COL4A6: variants seen among roughly 807,000 people sequenced by gnomAD.
The protein encoded by COL4A6 is collagen alpha-6(IV) chain.
Under a neutral mutation model 126.7 loss-of-function variants are expected in COL4A6, and 59 were observed. That is an observed-to-expected ratio of 0.47 (90% CI 0.38 to 0.58). COL4A6 has a LOEUF of 0.58. Ranked by LOEUF, COL4A6 falls within the 20% of genes least tolerant of loss-of-function variation. COL4A6 has a pLI of 0.00. For missense variants in COL4A6, 1,285 were observed against 1,337.3 expected, an observed-to-expected ratio of 0.96 and a Z score of 0.61; for synonymous variants, 547 against 496.6, an observed-to-expected ratio of 1.10 and a Z score of -1.35.
At chrX:108,229,258 T>C (rs1485837105) in intron 3 of COL4A6, among the ~76,000 whole-genome samples, 1 of 111,949 alleles carries the variant, frequency 8.9e-6, no homozygotes, top group Non-Finnish European at 1.9e-5. Flanking sequence ...GGTTCAGAGT[T>C]CAGAAGTCTA....
chrX:108,351,597 A>G (rs1006140085), intron 2 of COL4A6, among the ~76,000 whole-genome samples: 8 of 109,914 alleles, frequency 7.3e-5, no homozygotes, highest in Admixed American at 2.0e-4. Flanking sequence ...ACTTGGCTGC[A>G]TGGCTTCTGT....
At chrX:108,171,259 T>A in intron 33 of COL4A6, 128 bp downstream of exon 33, 2 of 540,961 alleles carry the variant, frequency 3.7e-6, no homozygotes, top group Non-Finnish European at 6.2e-6. Flanking sequence ...GCTTGGGGAA[T>A]TGATAGATAG....
At chrX:108,358,356 A>G (rs1397521902) in intron 2 of COL4A6, among the ~76,000 whole-genome samples, 2 of 110,554 alleles carry the variant, frequency 1.8e-5, no homozygotes, top group Non-Finnish European at 3.8e-5. Flanking sequence ...TGCTTTAGCT[A>G]TAACGTCTAA....
chrX:108,316,780 C>A (rs1398632042), intron 2 of COL4A6, among the ~76,000 whole-genome samples: 2 of 112,257 alleles, frequency 1.8e-5, no homozygotes, highest in South Asian at 3.7e-4. Flanking sequence ...AAGGGAACAG[C>A]AAGTGCAAAG....
chrX:108,289,444 G>A (rs1423136260), intron 3 of COL4A6, among the ~76,000 whole-genome samples: 1 of 111,176 alleles, frequency 9.0e-6, no homozygotes, highest in Non-Finnish European at 1.9e-5. Flanking sequence ...AAGGTATATG[G>A]GTGTTCTTTG....
intron 20 of COL4A6, among the ~76,000 whole-genome samples, 167 bp from the exon 21 acceptor site, chrX:108,188,844 T>C (rs1211093095): frequency 1.8e-5 from 2 of 112,157 alleles, no homozygotes; most frequent in East Asian, 5.6e-4. Flanking sequence ...AGTATGTCTG[T>C]GTTAGTGGTT....
Position 108,246,212 on chromosome X carries a change from T to C in COL4A6, c.145-24838A>G, listed in dbSNP as rs190722036. On this transcript the variant is annotated intron_variant, in intron 3 of 44. Transcript: ENST00000334504. Reference sequence around the variant, plus strand: ...GCAGATAACCTGTCTGTGTCTGTTTTATTATCTTCAATATGCGATTAACAA... The same window carrying C: ...GCAGATAACCTGTCTGTGTCTGTTTCATTATCTTCAATATGCGATTAACAA... Among the ~76,000 whole-genome samples the C allele has an allele frequency of 2.0e-3, 220 of 112,202 alleles. 1 individual carries two copies. The highest frequency in any genetic ancestry group is 8.7e-3 in the Admixed American group (92 of 10,579).
At position 108,282,641 on chromosome X, in the gene COL4A6, T is replaced by C. The variant is rs1392750216; in HGVS notation, c.144+28107A>G. ...ATACCATTTGACCCAGCCATCCCAT[T>C]ACTGGGTATATACCCAAAGGACTAT... On this transcript the variant is annotated intron_variant, in intron 3 of 44. Coordinates refer to ENST00000334504, the MANE Select transcript of COL4A6 (RefSeq NM_033641.4). Among the ~76,000 whole-genome samples, 17 of 109,609 alleles carry C rather than the reference T, an allele frequency of 1.6e-4. 1 individual carries two copies. The highest frequency in any genetic ancestry group is 1.3e-3 in the Admixed American group (13 of 10,317).
At chrX:108,203,831 T>G (rs1334816019) in intron 12 of COL4A6, among the ~76,000 whole-genome samples, 1 of 112,222 alleles carries the variant, frequency 8.9e-6, no homozygotes, top group African/African-American at 3.2e-5. Context: ...TTAGGGCATC[T>G]CTTGTCACCA....
intron 2 of COL4A6, among the ~76,000 whole-genome samples, chrX:108,413,991 G>T (rs947452276): frequency 1.8e-5 from 2 of 112,222 alleles, no homozygotes; most frequent in African/African-American, 6.5e-5. Context: ...CCACTGCACA[G>T]AGCAAAGCGA....
At chrX:108,438,629 T>C (rs770790078), upstream of COL4A6, among the ~76,000 whole-genome samples, 12 of 112,655 alleles carry the variant, frequency 1.1e-4, no homozygotes, top group Non-Finnish European at 1.9e-4. Flanking sequence ...TCATATACTT[T>C]CAACTTTACT....
intron 3 of COL4A6, among the ~76,000 whole-genome samples, chrX:108,290,537 T>C (rs771431041): frequency 1.8e-5 from 2 of 112,508 alleles, no homozygotes; most frequent in Non-Finnish European, 3.8e-5. Context: ...GCAAACATTG[T>C]ACTAATTTGC....
At chrX:108,426,343 G>T (rs949203476) in intron 2 of COL4A6, among the ~76,000 whole-genome samples, 2 of 111,908 alleles carry the variant, frequency 1.8e-5, no homozygotes, top group African/African-American at 6.5e-5. Context: ...GTCTCTCTGA[G>T]GTAAATGTTG....
At chrX:108,431,269 A>G (rs922919688) in intron 2 of COL4A6, among the ~76,000 whole-genome samples, 1 of 112,070 alleles carries the variant, frequency 8.9e-6, no homozygotes, top group Non-Finnish European at 1.9e-5. Flanking sequence ...TATAAGGAGA[A>G]CTAGTGAGGC....
In COL4A6 at chrX:108,164,850, G is replaced by A. The variant is rs767454751; in HGVS notation, c.3970+27C>T. The A allele has an allele frequency of 5.0e-6, 6 of 1,190,985 alleles. No individual in the cohort carries two copies. The Admixed American group carries it at 1.4e-4, about 27-fold the overall frequency. ...AGTCCTGGCCGTGGAGTGGGGAAGG[G>A]CCCAGCAGCCAGCCGAGCAGCCGTA... On this transcript the variant is annotated intron_variant, in intron 39 of 44. Coordinates refer to ENST00000334504, the MANE Select transcript of COL4A6 (RefSeq NM_033641.4).
intron 3 of COL4A6, among the ~76,000 whole-genome samples, chrX:108,288,731 G>A (rs1382292811): frequency 9.1e-6 from 1 of 110,480 alleles, no homozygotes; most frequent in African/African-American, 3.3e-5. Flanking sequence ...TACTTTCAGT[G>A]TAAAGAAGCT....
chrX:108,186,159 A>C (rs1320299538), intron 23 of COL4A6, among the ~76,000 whole-genome samples: 1 of 111,797 alleles, frequency 8.9e-6, no homozygotes, highest in African/African-American at 3.3e-5. Flanking sequence ...GAACTAGGGG[A>C]GTTACATGAT....
intron 3 of COL4A6, among the ~76,000 whole-genome samples, chrX:108,236,747 A>G (rs1011227932): frequency 9.0e-6 from 1 of 111,633 alleles, no homozygotes; most frequent in African/African-American, 3.3e-5. Context: ...ATCCCTGGCA[A>G]TCTGGGCCTA....
intron 3 of COL4A6, among the ~76,000 whole-genome samples, chrX:108,283,092 AC>A (rs1281124377): frequency 1.9e-5 from 2 of 107,265 alleles, no homozygotes; most frequent in Admixed American, 1.0e-4. Flanking sequence ...GCACATGTAT[AC>A]ATATGTAACT....
Sources: allele counts gnomAD v4.1 joint callset (sites outside exome capture counted in the v4.1 genomes callset), GRCh38; gene constraint gnomAD v4.1.1; transcripts MANE v1.5; gene names NCBI Gene and HGNC (gene_info 2026-07-23, HGNC 2026-07-21).